C13orf42: variants seen among roughly 807,000 people sequenced by gnomAD.
C13orf42 encodes chromosome 13 open reading frame 42, also known as uncharacterized protein C13orf42.
At chr13:51,108,242 G>C (rs548742209) in intron 1 of C13orf42, among the ~76,000 whole-genome samples, 16 of 152,298 alleles carry the variant, frequency 1.1e-4, no homozygotes, top group African/African-American at 3.8e-4. Context: ...TTCTAACTGA[G>C]GTCACTATCT....
intron 1 of C13orf42, among the ~76,000 whole-genome samples, chr13:51,153,847 G>A (rs909240383): frequency 7.9e-5 from 12 of 151,576 alleles, no homozygotes; most frequent in Non-Finnish European, 1.6e-4. Context: ...TTGTCCAGGC[G>A]GGTCTCAGAC....
At chr13:51,114,104 C>T (rs187915927), upstream of C13orf42, among the ~76,000 whole-genome samples, 16 of 152,332 alleles carry the variant, frequency 1.1e-4, no homozygotes, top group East Asian at 2.9e-3. Context: ...GCTGGGGCAG[C>T]CACAGGCAGC....
intron 1 of C13orf42, among the ~76,000 whole-genome samples, chr13:51,170,761 C>T (rs1953942770): frequency 6.6e-6 from 1 of 152,066 alleles, no homozygotes; most frequent in Admixed American, 6.5e-5. Flanking sequence ...TGGTCCTTCA[C>T]CCTTAGCGGC....
At chr13:51,123,137 C>T (rs1353823595) in intron 1 of C13orf42, among the ~76,000 whole-genome samples, 3 of 152,158 alleles carry the variant, frequency 2.0e-5, no homozygotes, top group African/African-American at 7.2e-5. Context: ...AAAAAAGTTC[C>T]TCCCCTCCCC....
chr13:51,154,546 T>C (rs1398502521), intron 1 of C13orf42, among the ~76,000 whole-genome samples: 3 of 152,164 alleles, frequency 2.0e-5, no homozygotes, highest in South Asian at 2.1e-4. Flanking sequence ...TTTGACCTGA[T>C]AGTGTCACCA....
At chr13:51,115,462 T>C (rs757818554), upstream of C13orf42, among the ~76,000 whole-genome samples, 5 of 152,198 alleles carry the variant, frequency 3.3e-5, no homozygotes, top group Non-Finnish European at 7.3e-5. Context: ...TATCATGGTG[T>C]AACCGGGGAT....
chr13:51,134,947 C>T (rs952898472), intron 1 of C13orf42, among the ~76,000 whole-genome samples: 1 of 152,224 alleles, frequency 6.6e-6, no homozygotes, highest in Non-Finnish European at 1.5e-5. Context: ...AGTCCAAAGG[C>T]CCTAGGCCTT....
intron 1 of C13orf42, among the ~76,000 whole-genome samples, chr13:51,100,808 TCA>T: frequency 6.6e-6 from 1 of 152,200 alleles, no homozygotes; most frequent in South Asian, 2.1e-4. Context: ...AACCCATTAA[TCA>T]CACTTTAGGA....
upstream of C13orf42, among the ~76,000 whole-genome samples, chr13:51,111,830 G>A (rs1015375942): frequency 6.6e-6 from 1 of 152,052 alleles, no homozygotes; most frequent in East Asian, 1.9e-4. Flanking sequence ...AGATCCCCCC[G>A]ATAAGCTGGG....
At chr13:51,167,860 T>C (rs945034694) in intron 1 of C13orf42, among the ~76,000 whole-genome samples, 10 of 152,240 alleles carry the variant, frequency 6.6e-5, no homozygotes, top group African/African-American at 2.4e-4. Flanking sequence ...GCTTTGGTTG[T>C]ATTGTACATC....
chr13:51,170,388 G>A (rs895679184), intron 1 of C13orf42, among the ~76,000 whole-genome samples: 10 of 152,112 alleles, frequency 6.6e-5, no homozygotes, highest in African/African-American at 2.4e-5. Context: ...TCTTTGCTCC[G>A]TGAGAAACAT....
At chr13:51,088,981 A>C (rs1387739816) in intron 1 of C13orf42, among the ~76,000 whole-genome samples, 6 of 152,208 alleles carry the variant, frequency 3.9e-5, no homozygotes, top group Non-Finnish European at 7.3e-5. Context: ...GAACTGACCA[A>C]ATCAATACGT....
chr13:51,087,639 C>T (rs1006995819), intron 2 of C13orf42, among the ~76,000 whole-genome samples: 114 of 152,294 alleles, frequency 7.5e-4, no homozygotes, highest in Admixed American at 9.2e-4. Context: ...CCTGTCTCAG[C>T]CGTGGTAAGT....
intron 1 of C13orf42, among the ~76,000 whole-genome samples, chr13:51,169,735 C>G (rs1310380820): frequency 1.3e-5 from 2 of 152,230 alleles, no homozygotes; most frequent in African/African-American, 4.8e-5. Flanking sequence ...TAAGCCTTGG[C>G]AGCTTCCATG....
chr13:51,137,182 T>C (rs1340990059), intron 1 of C13orf42, among the ~76,000 whole-genome samples: 3 of 152,346 alleles, frequency 2.0e-5, no homozygotes, highest in Non-Finnish European at 2.9e-5. Flanking sequence ...ATTATTTATA[T>C]TGATAAACAG....
intron 1 of C13orf42, among the ~76,000 whole-genome samples, chr13:51,165,159 G>A (rs560412697): frequency 1.8e-4 from 27 of 152,308 alleles, no homozygotes; most frequent in Admixed American, 1.6e-3. Context: ...GCCAATGGGA[G>A]CATGAGCAAG....
intron 1 of C13orf42, among the ~76,000 whole-genome samples, chr13:51,144,611 A>G (rs189553626): frequency 6.6e-6 from 1 of 152,340 alleles, no homozygotes; most frequent in African/African-American, 2.4e-5. Flanking sequence ...TGATTTATGG[A>G]GCCAATAAAG....
At chr13:51,138,289 G>A (rs1247064356) in intron 1 of C13orf42, among the ~76,000 whole-genome samples, 1 of 152,204 alleles carries the variant, frequency 6.6e-6, no homozygotes, top group African/African-American at 2.4e-5. Context: ...GTGATTTTCT[G>A]TGAACACTAC....
At chr13:51,163,715 G>A (rs564390928) in intron 1 of C13orf42, among the ~76,000 whole-genome samples, 9 of 152,052 alleles carry the variant, frequency 5.9e-5, no homozygotes, top group Non-Finnish European at 1.3e-4. Context: ...GGCCCCTGCT[G>A]GGTTCCTTAG....
Sources: allele counts gnomAD v4.1 joint callset (sites outside exome capture counted in the v4.1 genomes callset), GRCh38; gene constraint gnomAD v4.1.1; transcripts MANE v1.5; gene names NCBI Gene and HGNC (gene_info 2026-07-23, HGNC 2026-07-21).